The following MCTP2 variants were observed in gnomAD, a reference collection of about 807,000 sequenced individuals.
MCTP2 encodes the protein multiple C2 and transmembrane domain containing 2, also known as multiple C2 and transmembrane domain-containing protein 2.
MCTP2 carries 132 observed loss-of-function variants against 111.6 expected under a neutral mutation model. The ratio of observed to expected loss-of-function variants is 1.18; its 90% CI spans 1.03 to 1.37. The LOEUF (loss-of-function observed/expected upper bound fraction) is 1.37. Among genes scored for constraint, MCTP2 ranks in the 40% most tolerant of loss-of-function variants. MCTP2 has a pLI of 0.00. For synonymous variants in MCTP2, 395 were observed against 387.7 expected, an observed-to-expected ratio of 1.02 and a Z score of -0.22; for missense variants, 1,183 against 1,067.9, an observed-to-expected ratio of 1.11 and a Z score of -1.50.
intron 17 of MCTP2, among the ~76,000 whole-genome samples, chr15:94,408,135 C>T (rs1273389371): frequency 6.6e-6 from 1 of 152,196 alleles, no homozygotes; most frequent in Non-Finnish European, 1.5e-5. Flanking sequence ...AATGCACCTG[C>T]ATTTCATTAA....
At chr15:94,333,857 A>G (rs1441676042) in intron 4 of MCTP2, among the ~76,000 whole-genome samples, 1 of 152,210 alleles carries the variant, frequency 6.6e-6, no homozygotes, top group Non-Finnish European at 1.5e-5. Flanking sequence ...CTTTCTTTCT[A>G]GGACAGCTCA....
intron 17 of MCTP2, among the ~76,000 whole-genome samples, chr15:94,423,918 G>T (rs1261016751): frequency 6.6e-6 from 1 of 152,212 alleles, no homozygotes; most frequent in Non-Finnish European, 1.5e-5. Context: ...TGAAACATCT[G>T]TGTACCTACT....
Position 94,478,956 on chromosome 15 carries a change from G to T in MCTP2, c.2569-10G>T. ...CTAACCGCCAGCATCACGGCTATTTGTTTTCACAGGTGCAGTATGCAGAAT... is the reference window on the plus strand; with the variant it reads ...CTAACCGCCAGCATCACGGCTATTTTTTTTCACAGGTGCAGTATGCAGAAT... On this transcript the variant is annotated splice_polypyrimidine_tract_variant and intron_variant, in intron 22 of 22. Transcript: ENST00000357742. 6.2e-7 allele frequency: 1 copy of T among 1,613,800 alleles called. No individual in the cohort carries two copies. The highest frequency in any genetic ancestry group is 8.5e-7 in the Non-Finnish European group (1 of 1,179,926).
chr15:94,321,019 T>C (rs910138254), intron 4 of MCTP2, among the ~76,000 whole-genome samples: 3 of 152,088 alleles, frequency 2.0e-5, no homozygotes, highest in African/African-American at 4.8e-5. Flanking sequence ...TAAAACAATA[T>C]GGATGAGGCT....
chr15:94,234,868 C>A (rs1025410833), intron 1 of MCTP2, among the ~76,000 whole-genome samples: 1 of 152,158 alleles, frequency 6.6e-6, no homozygotes, highest in Non-Finnish European at 1.5e-5. Flanking sequence ...CCACAGGGGC[C>A]TTGGAGGGTT....
intron 11 of MCTP2, among the ~76,000 whole-genome samples, chr15:94,368,987 G>A (rs1273473510): frequency 6.6e-6 from 1 of 152,200 alleles, no homozygotes; most frequent in Non-Finnish European, 1.5e-5. Context: ...GGGAACGAAT[G>A]CTGTTTCAAA....
intron 17 of MCTP2, among the ~76,000 whole-genome samples, chr15:94,424,144 T>C (rs2082760668): frequency 6.6e-6 from 1 of 152,214 alleles, no homozygotes; most frequent in Admixed American, 6.5e-5. Flanking sequence ...AAAAAATTTA[T>C]ATCTTATTCT....
chr15:94,357,089 C>T (rs563221190), intron 9 of MCTP2, among the ~76,000 whole-genome samples: 2 of 152,078 alleles, frequency 1.3e-5, no homozygotes, highest in African/African-American at 2.4e-5. Context: ...AAAATATAAC[C>T]GAGGATATTT....
intron 4 of MCTP2, among the ~76,000 whole-genome samples, chr15:94,331,325 T>C (rs1347546005): frequency 6.6e-6 from 1 of 152,072 alleles, no homozygotes; most frequent in Non-Finnish European, 1.5e-5. Flanking sequence ...AAACAATAAA[T>C]GATGGAAGAG....
At chr15:94,427,430 C>G (rs1340630276) in intron 17 of MCTP2, among the ~76,000 whole-genome samples, 1 of 152,090 alleles carries the variant, frequency 6.6e-6, no homozygotes, top group East Asian at 1.9e-4. Flanking sequence ...AGGAAACTTA[C>G]AATCATGATG....
At chr15:94,297,984 A>G (rs2075353733) in intron 1 of MCTP2, among the ~76,000 whole-genome samples, 1 of 151,158 alleles carries the variant, frequency 6.6e-6, no homozygotes, top group Admixed American at 6.6e-5. Context: ...ATGTTTCTAC[A>G]GTTGCTCTGA....
intron 9 of MCTP2, 75 bp from the exon 10 acceptor site, chr15:94,358,407 T>G: frequency 5.0e-5 from 69 of 1,378,458 alleles, no homozygotes; most frequent in Non-Finnish European, 6.6e-5. Flanking sequence ...AGTTTAATGA[T>G]GAAATTAATG....
chr15:94,323,044 G>A (rs1232978052), intron 4 of MCTP2, among the ~76,000 whole-genome samples: 2 of 152,216 alleles, frequency 1.3e-5, no homozygotes, highest in African/African-American at 4.8e-5. Flanking sequence ...AAAGAGCTGT[G>A]AGGTTTTATC....
In MCTP2 at chr15:94,370,087, T is replaced by C; in HGVS notation, c.1489T>C (p.Cys497Arg). ...SERKQITQRY[C>R]LQNSLKDVKD... ...CTTGTATCACCTTTTCAACCCTCAG[T>C]GCTTACAGAACTCCCTGAAAGATGT... The change falls in exon 12 of 23, where the codon TGC (cysteine) becomes CGC (arginine). Residue 497 changes from cysteine to arginine, a missense_variant and splice_region_variant. Cys to Arg is a radical substitution (Grantham distance 180, BLOSUM62 -3). Transcript: ENST00000357742. The C allele has an allele frequency of 1.2e-6, 2 of 1,608,818 alleles. No individual in the cohort carries two copies. Among genetic ancestry groups the C allele is most frequent in the Non-Finnish European group, 8.5e-7 (1 of 1,177,664 alleles).
chr15:94,421,361 A>G (rs1736730391), intron 17 of MCTP2, among the ~76,000 whole-genome samples: 1 of 152,148 alleles, frequency 6.6e-6, no homozygotes. Context: ...TGCCTGTACA[A>G]TTGTATTAAT....
intron 8 of MCTP2, among the ~76,000 whole-genome samples, chr15:94,346,483 C>T (rs140877486): frequency 1.2e-3 from 182 of 152,254 alleles, no homozygotes; most frequent in African/African-American, 4.1e-3. Context: ...CAGGACTAAG[C>T]CCAGCTCTCA....
chr15:94,450,314 C>T (rs923147353), intron 19 of MCTP2, among the ~76,000 whole-genome samples: 2 of 152,202 alleles, frequency 1.3e-5, no homozygotes, highest in South Asian at 2.1e-4. Context: ...TTTAATAGCA[C>T]GAGCTGTGGC....
At chr15:94,307,661 G>A (rs1328663420) in intron 2 of MCTP2, among the ~76,000 whole-genome samples, 2 of 152,206 alleles carry the variant, frequency 1.3e-5, no homozygotes, top group Admixed American at 6.5e-5. Context: ...AGAAGGAATC[G>A]TTGGCACACG....
At chr15:94,289,550 T>A (rs1167032237) in intron 1 of MCTP2, among the ~76,000 whole-genome samples, 1 of 152,166 alleles carries the variant, frequency 6.6e-6, no homozygotes, top group Non-Finnish European at 1.5e-5. Context: ...AAAAATACAA[T>A]AGCCTTTCTA....
Sources: allele counts gnomAD v4.1 joint callset (sites outside exome capture counted in the v4.1 genomes callset), GRCh38; gene constraint gnomAD v4.1.1; transcripts MANE v1.5; gene names NCBI Gene and HGNC (gene_info 2026-07-23, HGNC 2026-07-21).